The following SNX29 variants were observed in gnomAD, a reference collection of about 807,000 sequenced individuals.
SNX29 encodes sorting nexin 29.
SNX29 carries 78 observed loss-of-function variants against 102.1 expected under a neutral mutation model. The observed-to-expected ratio is 0.76, with a 90% confidence interval of 0.64 to 0.92. The LOEUF (loss-of-function observed/expected upper bound fraction) is 0.92. Ranked by LOEUF, SNX29 falls within the 40% of genes least tolerant of loss-of-function variation. The pLI is 0.00. For missense variants in SNX29, 1,280 were observed against 1,061.7 expected, an observed-to-expected ratio of 1.21 and a Z score of -2.86; for synonymous variants, 580 against 414.5, an observed-to-expected ratio of 1.40 and a Z score of -4.85.
chr16:12,429,900 T>A (rs1479233416), intron 18 of SNX29, among the ~76,000 whole-genome samples: 2 of 152,230 alleles, frequency 1.3e-5, no homozygotes, highest in East Asian at 3.8e-4. Context: ...TATTGTTTTC[T>A]TGCTCTCTGA....
chr16:12,332,149 TATC>T (rs1466000530), intron 15 of SNX29, among the ~76,000 whole-genome samples: 1 of 152,184 alleles, frequency 6.6e-6, no homozygotes, highest in Non-Finnish European at 1.5e-5. Context: ...TTATTACTAT[TATC>T]CTCATCCTAG....
intron 14 of SNX29, among the ~76,000 whole-genome samples, chr16:12,209,842 C>G (rs2077136953): frequency 6.6e-6 from 1 of 152,110 alleles, no homozygotes; most frequent in Admixed American, 6.5e-5. Flanking sequence ...GGACACTGGC[C>G]CTCTGTTGTT....
chr16:12,549,374 A>G (rs754675295), intron 20 of SNX29, among the ~76,000 whole-genome samples: 5 of 152,196 alleles, frequency 3.3e-5, no homozygotes, highest in African/African-American at 4.8e-5. Flanking sequence ...GTGCACCTGT[A>G]GTCCCAGCTA....
intron 14 of SNX29, among the ~76,000 whole-genome samples, chr16:12,212,006 C>G (rs1334003394): frequency 6.6e-6 from 1 of 152,086 alleles, no homozygotes; most frequent in African/African-American, 2.4e-5. Flanking sequence ...GATTCCTACC[C>G]AGATCTGTCT....
intron 14 of SNX29, among the ~76,000 whole-genome samples, chr16:12,252,632 C>G (rs1034986709): frequency 2.0e-5 from 3 of 152,252 alleles, no homozygotes; most frequent in Admixed American, 1.3e-4. Flanking sequence ...CTTTCTCGCT[C>G]CTGTCTGCAC....
chr16:12,210,701 C>T (rs1240089160), intron 14 of SNX29, among the ~76,000 whole-genome samples: 2 of 151,958 alleles, frequency 1.3e-5, no homozygotes, highest in African/African-American at 4.8e-5. Context: ...GTGTCCTCAC[C>T]TGCTGGCCAT....
chr16:12,438,876 T>C (rs548794040), intron 18 of SNX29, among the ~76,000 whole-genome samples: 75 of 152,268 alleles, frequency 4.9e-4, no homozygotes, highest in Non-Finnish European at 9.4e-4. Flanking sequence ...GAGCCGGGCC[T>C]GTTGGAAGAA....
At chr16:12,138,513 C>G (rs2054746966) in intron 13 of SNX29, among the ~76,000 whole-genome samples, 1 of 152,110 alleles carries the variant, frequency 6.6e-6, no homozygotes. Flanking sequence ...CAACCTGTCA[C>G]TGTTTTATGA....
At chr16:12,121,578 T>C (rs2053974364) in intron 11 of SNX29, among the ~76,000 whole-genome samples, 1 of 152,194 alleles carries the variant, frequency 6.6e-6, no homozygotes, top group South Asian at 2.1e-4. Flanking sequence ...GCTTGACATT[T>C]CCAACACCTG....
chr16:12,118,741 C>T (rs1170156131), intron 11 of SNX29, among the ~76,000 whole-genome samples: 2 of 152,138 alleles, frequency 1.3e-5, no homozygotes, highest in Non-Finnish European at 1.5e-5. Context: ...TACCTGAGTG[C>T]TGTGTTTTCT....
chr16:12,442,923 G>T lies in SNX29; in HGVS notation c.2038-34796G>T, dbSNP rs2085875438. ...CAAAAAAAACTTTTTTTTCTGGTTT[G>T]ACACTGAACTTTGAATTTCATATAC... is the stretch of plus-strand genomic sequence containing the variant. On this transcript the variant is annotated intron_variant, in intron 18 of 20. Transcript: ENST00000566228. The T allele has an allele frequency of 6.9e-6, 3 of 435,288 alleles. No homozygotes were observed. The Admixed American group carries it at 7.7e-5, about 11-fold the overall frequency. 27.0% of individuals were successfully genotyped at this position (435,288 alleles called of 1,614,324 possible).
At chr16:12,487,454 A>G (rs1383801630) in intron 19 of SNX29, among the ~76,000 whole-genome samples, 3 of 152,170 alleles carry the variant, frequency 2.0e-5, no homozygotes, top group Non-Finnish European at 2.9e-5. Flanking sequence ...TTTATAGATG[A>G]GGAAACTGGG....
chr16:12,528,001 A>G (rs1350994650), intron 20 of SNX29, among the ~76,000 whole-genome samples: 1 of 97,128 alleles, frequency 1.0e-5, no homozygotes, highest in South Asian at 3.7e-4. Context: ...TTTTTTTTTT[A>G]TTTTTAGTAG....
intron 20 of SNX29, among the ~76,000 whole-genome samples, chr16:12,567,706 A>C (rs984618315): frequency 6.6e-6 from 1 of 152,176 alleles, no homozygotes; most frequent in Admixed American, 6.5e-5. Context: ...AGGCTGCAGC[A>C]AGTTATCATT....
In SNX29 at chr16:12,572,851, T is replaced by A. The variant is rs992276914; in HGVS notation, c.*4222T>A. 9.4e-7 allele frequency: 1 copy of A among 1,063,820 alleles called. No homozygotes were observed. The highest frequency in any genetic ancestry group is 1.1e-6 in the Non-Finnish European group (1 of 878,212). The allele number at this position is 1,063,820 out of a possible 1,614,324, so 65.9% of individuals were successfully genotyped here. ...GAAGGGGCAGCCTCATGCCCAGGTT[T>A]CAGCCCTAAAGGTAATGATTGTCTT... On this transcript the variant is annotated 3_prime_UTR_variant, in exon 21 of 21. Coordinates refer to ENST00000566228, the MANE Select transcript of SNX29 (RefSeq NM_032167.5).
intron 14 of SNX29, among the ~76,000 whole-genome samples, chr16:12,262,529 A>G (rs554296262): frequency 7.9e-5 from 12 of 152,222 alleles, no homozygotes; most frequent in Non-Finnish European, 1.5e-4. Flanking sequence ...CGATCCTAAA[A>G]TGCAGCGATG....
intron 20 of SNX29, among the ~76,000 whole-genome samples, chr16:12,552,062 GA>G (rs1300884045): frequency 3.3e-4 from 50 of 150,780 alleles, no homozygotes; most frequent in South Asian, 3.0e-3. Context: ...TTGGGGCACT[GA>G]ATCTCTGTCT....
At chr16:12,566,283 C>G (rs903377691) in intron 20 of SNX29, among the ~76,000 whole-genome samples, 25 of 152,186 alleles carry the variant, frequency 1.6e-4, no homozygotes, top group African/African-American at 4.8e-4. Flanking sequence ...CACAGCAGGA[C>G]TGGACAGAGA....
chr16:12,189,377 C>A (rs2076587699), intron 13 of SNX29, among the ~76,000 whole-genome samples: 1 of 152,196 alleles, frequency 6.6e-6, no homozygotes, highest in Admixed American at 6.5e-5. Flanking sequence ...TCTTGACTTT[C>A]ATGACCTTGA....
Sources: gnomAD v4.1 joint callset for allele counts (sites outside exome capture counted in the v4.1 genomes callset) on GRCh38, gnomAD v4.1.1 for gene constraint, MANE v1.5 for transcripts, NCBI Gene and HGNC (gene_info 2026-07-23, HGNC 2026-07-21) for gene names.